GBE1: variants seen among roughly 807,000 people sequenced by gnomAD.
GBE1 encodes 1,4-alpha-glucan branching enzyme 1, also known as 1,4-alpha-glucan-branching enzyme.
GBE1 carries 70 observed loss-of-function variants against 88.8 expected under a neutral mutation model. The ratio of observed to expected loss-of-function variants is 0.79; its 90% CI spans 0.65 to 0.96. The LOEUF (loss-of-function observed/expected upper bound fraction) is 0.96. Among genes scored for constraint, GBE1 ranks in the 40% least tolerant of loss-of-function variants. The pLI is 0.00. For synonymous variants in GBE1, 284 were observed against 300.1 expected (o/e 0.95, Z 0.56); for missense variants, 872 against 871.0 (o/e 1.00, Z -0.01).
chr3:81,604,371 T>C (rs913061859), intron 7 of GBE1, among the ~76,000 whole-genome samples: 1 of 149,224 alleles, frequency 6.7e-6, no homozygotes, highest in Admixed American at 6.7e-5. Context: ...CACTACATCC[T>C]GGACCTCCTG....
intron 7 of GBE1, among the ~76,000 whole-genome samples, chr3:81,608,272 T>C (rs1395817434): frequency 2.0e-5 from 3 of 152,208 alleles, no homozygotes; most frequent in Non-Finnish European, 4.4e-5. Context: ...CTATGCCATA[T>C]GTCAGTACTT....
intron 1 of GBE1, among the ~76,000 whole-genome samples, chr3:81,760,280 T>G (rs898547582): frequency 6.6e-6 from 1 of 152,172 alleles, no homozygotes; most frequent in African/African-American, 2.4e-5. Flanking sequence ...TTTATAGGAG[T>G]TCCTCAATAA....
chr3:81,671,051 T>A, intron 2 of GBE1, 98 bp from the exon 3 acceptor site: 1 of 519,270 alleles, frequency 1.9e-6, no homozygotes, highest in Non-Finnish European at 3.3e-6. Context: ...GCACAAAAAA[T>A]CAAATTGTCT....
At position 81,578,160 on chromosome 3, in the gene GBE1, A is replaced by G. The variant is rs1451814690; in HGVS notation, c.1447-64T>C. 7.2e-6 allele frequency: 8 copies of G among 1,116,646 alleles called. No individual in the cohort carries two copies. The East Asian group carries it at 1.8e-4, about 26-fold the overall frequency. The allele number at this position is 1,116,646 out of a possible 1,614,324, so 69.2% of individuals were successfully genotyped here. Reference sequence around the variant, plus strand: ...AAGTGCTAAGTAGTTGTGATTTACAATAGAACAATGCATGGTTACAAATGT... The same window carrying G: ...AAGTGCTAAGTAGTTGTGATTTACAGTAGAACAATGCATGGTTACAAATGT... On this transcript the variant is annotated intron_variant, in intron 11 of 15. Coordinates refer to ENST00000429644, the MANE Select transcript of GBE1 (RefSeq NM_000158.4).
intron 12 of GBE1, among the ~76,000 whole-genome samples, chr3:81,566,220 C>T (rs1017533578): frequency 2.0e-5 from 3 of 152,164 alleles, no homozygotes; most frequent in Non-Finnish European, 4.4e-5. Context: ...ATTCTCTCTT[C>T]ACTTCCTAGC....
chr3:81,752,136 G>C (rs981353895), intron 1 of GBE1, among the ~76,000 whole-genome samples: 1 of 151,944 alleles, frequency 6.6e-6, no homozygotes, highest in Admixed American at 6.6e-5. Flanking sequence ...TTTGTTTTAT[G>C]CATCTTATGG....
At chr3:81,546,926 C>T (rs1051225525) in intron 12 of GBE1, among the ~76,000 whole-genome samples, 4 of 151,060 alleles carry the variant, frequency 2.6e-5, no homozygotes, top group Admixed American at 6.6e-5. Flanking sequence ...GACCCCTTTC[C>T]GGTAACATCT....
At chr3:81,549,701 T>C (rs1467424916) in intron 12 of GBE1, among the ~76,000 whole-genome samples, 2 of 151,570 alleles carry the variant, frequency 1.3e-5, no homozygotes, top group East Asian at 1.9e-4. Flanking sequence ...AAGTCTTATC[T>C]GAGATTCCTT....
intron 7 of GBE1, among the ~76,000 whole-genome samples, chr3:81,597,385 T>C (rs909436871): frequency 1.3e-5 from 2 of 150,568 alleles, no homozygotes; most frequent in African/African-American, 2.4e-5. Context: ...TTCTGAACAA[T>C]TGGAGGAGCT....
chr3:81,591,145 A>G lies in GBE1; in HGVS notation c.1128T>C (p.Asp376=). 1 of 1,603,714 alleles carries G rather than the reference A, an allele frequency of 6.2e-7. No homozygotes were observed. Among genetic ancestry groups the G allele is most frequent in the Non-Finnish European group, 8.5e-7 (1 of 1,174,126 alleles). The change falls in exon 9 of 16, where the codon GAT becomes GAC. Residue 376 remains aspartate (D), a synonymous_variant. Transcript: ENST00000429644. ...CTTGTAGTCCGAAATATTCACTGTA[A>G]TCACCTGAGAAACCTTGACCTTAGA... ...HHGVGQGFSG[D]YSEYFGLQVD... is the part of the protein sequence containing the mutation.
chr3:81,651,445 T>C (rs1704850010), intron 3 of GBE1, among the ~76,000 whole-genome samples: 1 of 152,184 alleles, frequency 6.6e-6, no homozygotes, highest in East Asian at 1.9e-4. Flanking sequence ...AATACAATTA[T>C]TTCTCCTTCA....
chr3:81,605,005 CA>C (rs1045695783), intron 7 of GBE1, among the ~76,000 whole-genome samples: 38 of 149,288 alleles, frequency 2.5e-4, no homozygotes, highest in Middle Eastern at 3.4e-3. Flanking sequence ...TTTTTTAAAT[CA>C]AAAAAAAATA....
In GBE1 at chr3:81,590,988, T is replaced by C. The variant is rs1363323654; in HGVS notation, c.1236+49A>G. The C allele has an allele frequency of 2.7e-6, 4 of 1,505,572 alleles. No homozygotes were observed. In the Middle Eastern group the frequency reaches 7.0e-4, roughly 265 times the overall value. 93.3% of individuals were successfully genotyped at this position (1,505,572 alleles called of 1,614,324 possible). On this transcript the variant is annotated intron_variant, in intron 9 of 15. Transcript: ENST00000429644. ...AATCAAATACTGTATGCTGACAAAATACTCTCTATTAAAGGGGGTCAGAAG... is the reference window on the plus strand; with the variant it reads ...AATCAAATACTGTATGCTGACAAAACACTCTCTATTAAAGGGGGTCAGAAG...
intron 7 of GBE1, among the ~76,000 whole-genome samples, chr3:81,625,005 C>T (rs1416418820): frequency 6.7e-6 from 1 of 149,430 alleles, no homozygotes; most frequent in Non-Finnish European, 1.5e-5. Context: ...AGAGTAGGGT[C>T]CTAAAATAAA....
At chr3:81,672,518 T>C (rs1228753569) in intron 2 of GBE1, among the ~76,000 whole-genome samples, 1 of 151,972 alleles carries the variant, frequency 6.6e-6, no homozygotes, top group Non-Finnish European at 1.5e-5. Flanking sequence ...GAATAGCATT[T>C]ATATCAAGAT....
At position 81,750,551 on chromosome 3, in the gene GBE1, G is replaced by A. The variant is rs58623743; in HGVS notation, c.143+10824C>T. Among the ~76,000 whole-genome samples the A allele has an allele frequency of 8.2e-3, 428 of 52,146 alleles. 14 individuals are homozygous for A. The highest frequency in any genetic ancestry group is 0.012 in the East Asian group (9 of 778). 34.2% of individuals were successfully genotyped at this position (52,146 alleles called of 152,430 possible). ...TATATATATATACGTATATATATAT[G>A]TATATATATATGTATATATATATAC... On this transcript the variant is annotated intron_variant, in intron 1 of 15. Coordinates refer to ENST00000429644, the MANE Select transcript of GBE1 (RefSeq NM_000158.4).
chr3:81,538,924 A>T (rs973257668), intron 12 of GBE1, among the ~76,000 whole-genome samples: 1 of 151,972 alleles, frequency 6.6e-6, no homozygotes, highest in Admixed American at 6.6e-5. Context: ...ATTAATAAAC[A>T]ATTCCTTTAG....
chr3:81,586,016 A>T (rs550088004), intron 10 of GBE1, 76 bp downstream of exon 10: 1 of 820,910 alleles, frequency 1.2e-6, no homozygotes, highest in East Asian at 2.7e-5. Flanking sequence ...TAATGATTAC[A>T]ACTAAGAAAT....
At chr3:81,597,357 A>C (rs984110386) in intron 7 of GBE1, among the ~76,000 whole-genome samples, 5 of 151,184 alleles carry the variant, frequency 3.3e-5, no homozygotes, top group African/African-American at 1.2e-4. Flanking sequence ...CAAACCACTT[A>C]CTGTCCAGAA....
Sources: allele counts gnomAD v4.1 joint callset (sites outside exome capture counted in the v4.1 genomes callset), GRCh38; gene constraint gnomAD v4.1.1; transcripts MANE v1.5; gene names NCBI Gene and HGNC (gene_info 2026-07-23, HGNC 2026-07-21).